Variants in IDO1 observed in about 807,000 individuals in gnomAD.
IDO1 encodes the protein indoleamine 2,3-dioxygenase 1.
In IDO1, 35 loss-of-function variants were observed where a neutral mutation model predicts 38.8. That is an observed-to-expected ratio of 0.90 (90% CI 0.69 to 1.20). The LOEUF (loss-of-function observed/expected upper bound fraction) is 1.20, where lower values mean the gene tolerates loss of function less well. Among genes scored for constraint, IDO1 ranks in the 50% most tolerant of loss-of-function variants. The pLI is 0.00. For missense variants in IDO1, 509 were observed against 485.1 expected, an observed-to-expected ratio of 1.05 and a Z score of -0.46; for synonymous variants, 171 against 170.0, an observed-to-expected ratio of 1.01 and a Z score of -0.05.
At chr8:39,924,844 C>A in intron 8 of IDO1, 72 bp downstream of exon 8, 2 of 1,102,368 alleles carry the variant, frequency 1.8e-6, no homozygotes, top group South Asian at 2.6e-5. Context: ...CTTGGTTGGT[C>A]CCTAATATCC....
intron 3 of IDO1, 45 bp from the exon 4 acceptor site, chr8:39,918,755 AAAAAAAAAAAAAAAC>A (rs1807219949): frequency 3.1e-6 from 2 of 638,158 alleles, no homozygotes; most frequent in Non-Finnish European, 5.2e-6. Flanking sequence ...TCAAAAAAAA[AAAAAAAAAAAAAAAC>A]AACAACAACA....
chr8:39,921,314 A>G (rs973744760), intron 5 of IDO1, among the ~76,000 whole-genome samples: 2 of 152,090 alleles, frequency 1.3e-5, no homozygotes, highest in Non-Finnish European at 2.9e-5. Context: ...TTAGCGGGGC[A>G]TGGTGGCACA....
chr8:39,926,579 CTGTTT>C (rs1230110174), intron 9 of IDO1, among the ~76,000 whole-genome samples: 1 of 152,182 alleles, frequency 6.6e-6, no homozygotes, highest in Non-Finnish European at 1.5e-5. Flanking sequence ...TTAATTTTCT[CTGTTT>C]TGTTAAACTT....
At position 39,922,661 on chromosome 8, in the gene IDO1, T is replaced by G. The variant is rs1233589175; in HGVS notation, c.537+10T>G. The G allele has an allele frequency of 1.3e-6, 2 of 1,569,210 alleles. No individual in the cohort carries two copies. The stretch of plus-strand genomic sequence containing the variant: ...TGCTTCTGCAATCAAAGTACGTCTA[T>G]CCTCACTTCAAAATTTATATGTCAA... On this transcript the variant is annotated intron_variant, in intron 6 of 9. Coordinates refer to ENST00000518237, the MANE Select transcript of IDO1 (RefSeq NM_002164.6).
chr8:39,923,430 G>T, intron 6 of IDO1, 39 bp from the exon 7 acceptor site: 513 of 981,944 alleles, frequency 5.2e-4, no homozygotes, highest in Non-Finnish European at 7.0e-4. Context: ...AAGAAAGAAA[G>T]AAAACCTTAA....
chr8:39,921,982 TTTG>T (rs1014931121), intron 5 of IDO1, among the ~76,000 whole-genome samples: 1 of 152,078 alleles, frequency 6.6e-6, no homozygotes, highest in Non-Finnish European at 1.5e-5. Flanking sequence ...CTGAGTGTTT[TTTG>T]TTGTTGTTGT....
At chr8:39,923,238 T>A (rs1265411935) in intron 6 of IDO1, among the ~76,000 whole-genome samples, 1 of 151,992 alleles carries the variant, frequency 6.6e-6, no homozygotes, top group Non-Finnish European at 1.5e-5. Context: ...ACCCCGTCTC[T>A]ACTAAAAATA....
At position 39,928,694 on chromosome 8, in the gene IDO1, C is replaced by T. The variant is rs1387736749; in HGVS notation, c.*509C>T. Among the ~76,000 whole-genome samples the T allele has an allele frequency of 1.4e-5, 2 of 146,264 alleles. No homozygotes were observed. Among genetic ancestry groups the T allele is most frequent in the Non-Finnish European group, 3.0e-5 (2 of 67,246 alleles). On this transcript the variant is annotated 3_prime_UTR_variant, in exon 10 of 10. Coordinates refer to ENST00000518237, the MANE Select transcript of IDO1 (RefSeq NM_002164.6). ...CTTGCAGTGAGCCAAGATTGTGCCA[C>T]TGCAATCCGGCCTGGGCTAAAGAGC...
At chr8:39,923,418 AAAAG>A in intron 6 of IDO1, 47 bp from the exon 7 acceptor site, 15 of 1,120,252 alleles carry the variant, frequency 1.3e-5, no homozygotes, top group East Asian at 2.5e-5. Context: ...AAAAAAAAAA[AAAAG>A]AAAGAAAGAA....
intron 5 of IDO1, among the ~76,000 whole-genome samples, chr8:39,921,334 T>G (rs1807268667): frequency 6.6e-6 from 1 of 152,044 alleles, no homozygotes. Context: ...ATGCCTGTAA[T>G]CTCAGCTACT....
In IDO1 at chr8:39,914,829, G is replaced by A. The variant is rs373087755; in HGVS notation, c.87+820G>A. ...CACCTGGGCTGGAGTGCAGTGGCAC[G>A]ATCTCAGCTCACTGCAACCTCTGCC... is the stretch of plus-strand genomic sequence containing the variant. On this transcript the variant is annotated intron_variant, in intron 1 of 9. Coordinates refer to ENST00000518237, the MANE Select transcript of IDO1 (RefSeq NM_002164.6). 1.0e-3 allele frequency among the ~76,000 whole-genome samples: 154 copies of A among 152,130 alleles called. 1 individual carries two copies. The highest frequency in any genetic ancestry group is 3.5e-3 in the African/African-American group (145 of 41,502).
chr8:39,922,417 C>T, intron 5 of IDO1, 135 bp from the exon 6 acceptor site: 1 of 661,068 alleles, frequency 1.5e-6, no homozygotes, highest in East Asian at 2.7e-5. Context: ...TTCCCAACTA[C>T]ATAATGGAGA....
In IDO1 at chr8:39,913,896, G is replaced by A. The variant is rs541586371; in HGVS notation, c.-27G>A. 3 of 1,506,536 alleles carry A rather than the reference G, an allele frequency of 2.0e-6. No individual in the cohort carries two copies. The highest frequency in any genetic ancestry group is 9.0e-7 in the Non-Finnish European group (1 of 1,106,506). The allele number at this position is 1,506,536 out of a possible 1,614,324, so 93.3% of individuals were successfully genotyped here. On this transcript the variant is annotated 5_prime_UTR_variant, in exon 1 of 10. Transcript: ENST00000518237. ...GCTCTGAAAACTCTTCAGACACTGAGGGGCACCAGAGGAGCAGACTACAAG... is the reference window on the plus strand; with the variant it reads ...GCTCTGAAAACTCTTCAGACACTGAAGGGCACCAGAGGAGCAGACTACAAG...
At chr8:39,927,573 AAAAG>A (rs1807385618) in intron 9 of IDO1, among the ~76,000 whole-genome samples, 2 of 152,010 alleles carry the variant, frequency 1.3e-5, no homozygotes, top group African/African-American at 4.8e-5. Context: ...AAAAAAAAAA[AAAAG>A]CGCAAACAAA....
Position 39,923,178 on chromosome 8 carries a change from C to T in IDO1, c.538-291C>T, listed in dbSNP as rs377357226. Among the ~76,000 whole-genome samples, 303 of 152,094 alleles carry T rather than the reference C, an allele frequency of 2.0e-3. 2 individuals are homozygous for T. Among genetic ancestry groups the T allele is most frequent in the African/African-American group, 6.9e-3 (285 of 41,512 alleles). On this transcript the variant is annotated intron_variant, in intron 6 of 9. Coordinates refer to ENST00000518237, the MANE Select transcript of IDO1 (RefSeq NM_002164.6). Reference sequence around the variant, plus strand: ...CAGCACTTTGGGAGGCTGAAGTGGGCGGATCACTTGAAGTCAGGAGTTCGA... The same window carrying T: ...CAGCACTTTGGGAGGCTGAAGTGGGTGGATCACTTGAAGTCAGGAGTTCGA...
rs111724492 is a variant in IDO1 at position 39,921,163 on chromosome 8, GATAAAA to G, written c.437+1054_437+1059del. Among the ~76,000 whole-genome samples, 1,466 of 152,220 alleles carry G rather than the reference GATAAAA, an allele frequency of 9.6e-3. 21 individuals are homozygous for G. The highest frequency in any genetic ancestry group is 0.033 in the African/African-American group (1,353 of 41,530). ...ATGGCTAATGTCACTGATAATAAGT[GATAAAA>G]ATAACAGTGTGAGAAAAAGATTAAT... On this transcript the variant is annotated intron_variant, in intron 5 of 9. Coordinates refer to ENST00000518237, the MANE Select transcript of IDO1 (RefSeq NM_002164.6).
In IDO1 at chr8:39,925,117, C is replaced by T. The variant is rs903271641; in HGVS notation, c.708-106C>T. The T allele has an allele frequency of 4.5e-5, 47 of 1,040,320 alleles. 1 individual carries two copies. Among genetic ancestry groups the T allele is most frequent in the Non-Finnish European group, 6.0e-5 (44 of 728,978 alleles). The allele number at this position is 1,040,320 out of a possible 1,614,324, so 64.4% of individuals were successfully genotyped here. ...GGTATGAAAAAAGGATCATGAAATC[C>T]ATCTCTTGTCACCTTCTGTTCAGCA... is the stretch of plus-strand genomic sequence containing the variant. On this transcript the variant is annotated intron_variant, in intron 8 of 9. Coordinates refer to ENST00000518237, the MANE Select transcript of IDO1 (RefSeq NM_002164.6).
At chr8:39,923,614 T>TGCAGTGC in intron 7 of IDO1, 28 bp downstream of exon 7, 1 of 1,309,560 alleles carries the variant, frequency 7.6e-7, no homozygotes. Context: ...TGCAATAGTC[T>TGCAGTGC]AGGCTGACAA....
chr8:39,926,174 G>A (rs1041536230), intron 9 of IDO1, among the ~76,000 whole-genome samples: 11 of 151,912 alleles, frequency 7.2e-5, no homozygotes, highest in African/African-American at 2.2e-4. Context: ...GCAAGAGTGC[G>A]AGACTCCATC....
Sources: allele counts gnomAD v4.1 joint callset (sites outside exome capture counted in the v4.1 genomes callset), GRCh38; gene constraint gnomAD v4.1.1; transcripts MANE v1.5; gene names NCBI Gene and HGNC (gene_info 2026-07-23, HGNC 2026-07-21).